WNT9B: variants seen among roughly 807,000 people sequenced by gnomAD.
The protein encoded by WNT9B is Wnt family member 9B.
A neutral mutation model predicts 30.2 loss-of-function variants in WNT9B; 12 were observed. The ratio of observed to expected loss-of-function variants is 0.40; its 90% CI spans 0.26 to 0.64. The LOEUF is 0.64. Ranked by LOEUF, WNT9B falls within the 30% of genes least tolerant of loss-of-function variation. The pLI, the probability that WNT9B is intolerant of heterozygous loss-of-function variation, is 0.42. For synonymous variants in WNT9B, 218 were observed against 216.9 expected (o/e 1.01, Z -0.05); for missense variants, 442 against 485.2 (o/e 0.91, Z 0.84).
At chr17:46,876,012 A>G (rs2085338869) in intron 3 of WNT9B, among the ~76,000 whole-genome samples, 2 of 152,114 alleles carry the variant, frequency 1.3e-5, no homozygotes, top group Non-Finnish European at 2.9e-5. Flanking sequence ...GTTGGTGTGA[A>G]CCGGGGCTGC....
rs114567437 is a variant in WNT9B, at chr17:46,841,032, C to T, written c.95+7592C>T. Among the ~76,000 whole-genome samples, 840 of 152,228 alleles carry T rather than the reference C, an allele frequency of 5.5e-3. 13 individuals are homozygous for T. Among genetic ancestry groups the T allele is most frequent in the African/African-American group, 0.019 (772 of 41,520 alleles). On this transcript the variant is annotated intron_variant, in intron 1 of 2. Transcript: ENST00000575372. ...TGTCATCACCATGGAACGCCTTTCCCGATGCTACTTCCAACAGGAGGCAGA... is the reference window on the plus strand; with the variant it reads ...TGTCATCACCATGGAACGCCTTTCCTGATGCTACTTCCAACAGGAGGCAGA...
chr17:46,863,724 A>G (rs1293245399), intron 1 of WNT9B, among the ~76,000 whole-genome samples: 5 of 152,144 alleles, frequency 3.3e-5, no homozygotes, highest in African/African-American at 1.2e-4. Context: ...GGTCGGACCG[A>G]GTTAGACATG....
At chr17:46,840,763 C>T (rs1294819075) in intron 1 of WNT9B, among the ~76,000 whole-genome samples, 1 of 152,192 alleles carries the variant, frequency 6.6e-6, no homozygotes, top group African/African-American at 2.4e-5. Flanking sequence ...TGATGATGAG[C>T]ATTTTTTCAT....
chr17:46,836,612 G>A (rs1196429096), intron 1 of WNT9B, among the ~76,000 whole-genome samples: 2 of 152,208 alleles, frequency 1.3e-5, no homozygotes, highest in African/African-American at 4.8e-5. Context: ...AAATGAATCA[G>A]CACAGTGCCT....
chr17:46,845,843 T>G (rs1033331044), intron 1 of WNT9B, among the ~76,000 whole-genome samples: 2 of 140,220 alleles, frequency 1.4e-5, no homozygotes, highest in Non-Finnish European at 3.0e-5. Flanking sequence ...CAGGCTAGAG[T>G]GCAGTGGTGT....
At chr17:46,870,421 G>A (rs919962980) in intron 1 of WNT9B, among the ~76,000 whole-genome samples, 5 of 152,222 alleles carry the variant, frequency 3.3e-5, no homozygotes, top group African/African-American at 1.2e-4. Flanking sequence ...AGGGGTTTGG[G>A]TGTAGACCTG....
intron 1 of WNT9B, among the ~76,000 whole-genome samples, chr17:46,846,128 A>G (rs898310884): frequency 6.6e-6 from 1 of 152,126 alleles, no homozygotes; most frequent in Non-Finnish European, 1.5e-5. Context: ...CCAGGTCACT[A>G]CTTACTTACC....
upstream of WNT9B, among the ~76,000 whole-genome samples, chr17:46,848,670 G>T (rs1254345979): frequency 1.3e-5 from 2 of 152,240 alleles, no homozygotes; most frequent in East Asian, 1.9e-4. Context: ...TAATGCAAAG[G>T]TGTCTGTGAG....
chr17:46,886,548 T>C (rs901172011), exon 5 of WNT9B: 2 of 152,132 alleles, frequency 1.3e-5, no homozygotes, highest in Non-Finnish European at 2.9e-5. Flanking sequence ...CATCTGTCAA[T>C]GTAGGTGGCC....
At chr17:46,866,081 G>A (rs533396876) in intron 1 of WNT9B, among the ~76,000 whole-genome samples, 1 of 152,302 alleles carries the variant, frequency 6.6e-6, no homozygotes, top group South Asian at 2.1e-4. Flanking sequence ...CATGGAGGAG[G>A]TGCAAGGTGG....
downstream of WNT9B, among the ~76,000 whole-genome samples, chr17:46,883,753 A>G (rs1461460886): frequency 6.6e-6 from 1 of 152,200 alleles, no homozygotes; most frequent in Non-Finnish European, 1.5e-5. Flanking sequence ...GCAAGGATTC[A>G]GGGCGACTGG....
chr17:46,840,032 T>C (rs370149522), intron 1 of WNT9B, among the ~76,000 whole-genome samples: 10 of 133,162 alleles, frequency 7.5e-5, no homozygotes, highest in Admixed American at 1.5e-4. Flanking sequence ...TCTTTCTTTC[T>C]TTTCTTTCTT....
rs1296608287 is a variant in WNT9B, at chr17:46,880,510, T to C, written c.*3792T>C. On this transcript the variant is annotated 3_prime_UTR_variant, in exon 4 of 4. Coordinates refer to ENST00000290015, the MANE Select transcript of WNT9B (RefSeq NM_003396.3). ...TCTCTGCCTCATGGGGCTGACATCC[T>C]AGTGGGTGAGAAAGACAATAAACCA... is the stretch of plus-strand genomic sequence containing the variant. Among the ~76,000 whole-genome samples the C allele has an allele frequency of 6.6e-6, 1 of 152,226 alleles. No individual in the cohort carries two copies. The highest frequency in any genetic ancestry group is 1.5e-5 in the Non-Finnish European group (1 of 68,038).
rs1378762422 is a variant in WNT9B, at chr17:46,878,462, C to A, written c.*1744C>A. 6.6e-6 allele frequency among the ~76,000 whole-genome samples: 1 copy of A among 152,208 alleles called. No individual in the cohort carries two copies. Among genetic ancestry groups the A allele is most frequent in the Non-Finnish European group, 1.5e-5 (1 of 68,038 alleles). On this transcript the variant is annotated 3_prime_UTR_variant, in exon 4 of 4. Transcript: ENST00000290015. ...CTGGAAGGATTTTTGACTGCAGAGG[C>A]CCGGCTGAGAAGCCAAACTGACCTG...
upstream of WNT9B, among the ~76,000 whole-genome samples, chr17:46,850,886 G>T (rs1188715348): frequency 6.6e-6 from 1 of 152,030 alleles, no homozygotes; most frequent in Non-Finnish European, 1.5e-5. Flanking sequence ...GGATTTCTGC[G>T]CTGGGGAACA....
chr17:46,858,206 A>G (rs2146559853), intron 1 of WNT9B, among the ~76,000 whole-genome samples: 1 of 152,338 alleles, frequency 6.6e-6, no homozygotes, highest in South Asian at 2.1e-4. Flanking sequence ...CTGGGATTAC[A>G]GGCGTGAGCC....
At chr17:46,860,653 T>G (rs1287219180) in intron 1 of WNT9B, among the ~76,000 whole-genome samples, 1 of 152,248 alleles carries the variant, frequency 6.6e-6, no homozygotes, top group Non-Finnish European at 1.5e-5. Context: ...AATCTAGTGA[T>G]CTGCCTTACA....
upstream of WNT9B, among the ~76,000 whole-genome samples, chr17:46,849,849 C>CTTT (rs761797393): frequency 0.18 from 26,170 of 145,166 alleles, 2,938 homozygotes; most frequent in East Asian, 0.47. Context: ...CATTTAATAT[C>CTTT]TTTTTTTTTT....
intron 1 of WNT9B, among the ~76,000 whole-genome samples, chr17:46,852,624 G>A (rs1166342500): frequency 6.6e-6 from 1 of 151,974 alleles, no homozygotes; most frequent in African/African-American, 2.4e-5. Flanking sequence ...GAGGGATGGG[G>A]GCGGGTATCA....
Sources: gnomAD v4.1 joint callset for allele counts (sites outside exome capture counted in the v4.1 genomes callset) on GRCh38, gnomAD v4.1.1 for gene constraint, MANE v1.5 for transcripts, NCBI Gene and HGNC (gene_info 2026-07-23, HGNC 2026-07-21) for gene names.